The following AMBRA1 variants were observed in gnomAD, a reference collection of about 807,000 sequenced individuals.
AMBRA1 encodes the protein autophagy and beclin 1 regulator 1, also known as activating molecule in BECN1-regulated autophagy protein 1.
In AMBRA1, 47 loss-of-function variants were observed where a neutral mutation model predicts 125.4. The observed-to-expected ratio is 0.37, with a 90% CI of 0.30 to 0.48. The LOEUF is 0.48. AMBRA1 is among the 20% of genes least tolerant of loss of function. The pLI is 0.99. For missense variants in AMBRA1, 1,331 were observed against 1,693.4 expected, an observed-to-expected ratio of 0.79 and a Z score of 3.76; for synonymous variants, 626 against 655.5, an observed-to-expected ratio of 0.95 and a Z score of 0.69.
intron 7 of AMBRA1, among the ~76,000 whole-genome samples, chr11:46,527,390 G>A (rs1035133683): frequency 7.2e-6 from 1 of 139,052 alleles, no homozygotes; most frequent in Admixed American, 8.1e-5. Context: ...TGAAGCAGGA[G>A]AATTGCTTGA....
chr11:46,452,371 T>C (rs533165407), intron 11 of AMBRA1, among the ~76,000 whole-genome samples: 8 of 152,236 alleles, frequency 5.3e-5, no homozygotes, highest in African/African-American at 7.2e-5. Flanking sequence ...GTTTTTTAGA[T>C]GGGGCCTCAC....
intron 7 of AMBRA1, among the ~76,000 whole-genome samples, chr11:46,540,415 G>A (rs1451033357): frequency 1.3e-5 from 2 of 152,124 alleles, no homozygotes; most frequent in African/African-American, 4.8e-5. Context: ...ACAGAGGCTC[G>A]GGCTCCTGAT....
intron 1 of AMBRA1, among the ~76,000 whole-genome samples, chr11:46,583,650 TCCAAAAAA>T (rs2044256208): frequency 1.1e-4 from 2 of 18,086 alleles, no homozygotes; most frequent in Non-Finnish European, 2.5e-4. Context: ...CAAACAAATT[TCCAAAAAA>T]AAAAAAAAAA....
chr11:46,492,962 T>C (rs1015564848), intron 11 of AMBRA1, among the ~76,000 whole-genome samples: 2 of 152,156 alleles, frequency 1.3e-5, no homozygotes, highest in Admixed American at 1.3e-4. Context: ...GGCAGGAGAA[T>C]TGCTTGAACC....
intron 11 of AMBRA1, among the ~76,000 whole-genome samples, chr11:46,485,558 G>C (rs1950238465): frequency 6.6e-6 from 1 of 152,196 alleles, no homozygotes; most frequent in African/African-American, 2.4e-5. Flanking sequence ...TCCCTGGCTA[G>C]ACAGTAAACT....
Position 46,460,708 on chromosome 11 carries a change from A to T in AMBRA1, c.2522-17110T>A, listed in dbSNP as rs147138691. The stretch of plus-strand genomic sequence containing the variant: ...AAGTACAACCATATAAACCAAAGTC[A>T]TAAGAGCAGATGCCTGTGAAGTGGT... On this transcript the variant is annotated intron_variant, in intron 11 of 17. Transcript: ENST00000683756. Among the ~76,000 whole-genome samples, 293 of 152,372 alleles carry T rather than the reference A, an allele frequency of 1.9e-3. 4 individuals carry two copies. Among genetic ancestry groups the T allele is most frequent in the Admixed American group, 0.015 (236 of 15,308 alleles).
At chr11:46,550,095 A>G (rs191518621) in intron 1 of AMBRA1, among the ~76,000 whole-genome samples, 31 of 152,332 alleles carry the variant, frequency 2.0e-4, no homozygotes, top group Middle Eastern at 3.4e-3. Flanking sequence ...CTGGGATTAC[A>G]GGTGTGAGCT....
chr11:46,539,752 G>A (rs74775768), intron 7 of AMBRA1, among the ~76,000 whole-genome samples: 2,768 of 152,216 alleles, frequency 0.018, 91 homozygotes, highest in South Asian at 0.15. Flanking sequence ...GCATAGAGTC[G>A]TTGTTGAAGG....
chr11:46,448,083 G>C (rs1169206706), intron 11 of AMBRA1, among the ~76,000 whole-genome samples: 1 of 152,202 alleles, frequency 6.6e-6, no homozygotes, highest in African/African-American at 2.4e-5. Flanking sequence ...GGCCCAAATA[G>C]TGTGCCAGGG....
chr11:46,549,814 T>A (rs1449616326), intron 1 of AMBRA1, among the ~76,000 whole-genome samples: 1 of 151,654 alleles, frequency 6.6e-6, no homozygotes, highest in Non-Finnish European at 1.5e-5. Context: ...CACTAGCTTT[T>A]CTTTCTTTTT....
At chr11:46,583,789 C>T (rs941819743) in intron 1 of AMBRA1, among the ~76,000 whole-genome samples, 39 of 151,476 alleles carry the variant, frequency 2.6e-4, no homozygotes, top group Admixed American at 1.1e-3. Context: ...CCATCACTGG[C>T]CATCAGAGAA....
chr11:46,586,386 C>G (rs1020368866), intron 1 of AMBRA1, among the ~76,000 whole-genome samples: 7 of 152,088 alleles, frequency 4.6e-5, no homozygotes, highest in African/African-American at 1.7e-4. Context: ...CAGAGCAAGA[C>G]TGTCTCCAAA....
At chr11:46,481,387 AT>A in intron 11 of AMBRA1, among the ~76,000 whole-genome samples, 1 of 151,960 alleles carries the variant, frequency 6.6e-6, no homozygotes, top group East Asian at 1.9e-4. Flanking sequence ...TGAACACACT[AT>A]TTTTGTTTTT....
chr11:46,399,309 G>C (rs1945604911), intron 17 of AMBRA1, among the ~76,000 whole-genome samples: 1 of 151,856 alleles, frequency 6.6e-6, no homozygotes, highest in African/African-American at 2.4e-5. Flanking sequence ...CCTGACCTCA[G>C]GTAATCTGCC....
chr11:46,589,683 TA>T (rs1280312130), intron 1 of AMBRA1, among the ~76,000 whole-genome samples: 1 of 152,004 alleles, frequency 6.6e-6, no homozygotes, highest in Non-Finnish European at 1.5e-5. Flanking sequence ...GCAGTGGTGC[TA>T]ACTCGGCTAA....
At chr11:46,478,648 CTT>C (rs11449187) in intron 11 of AMBRA1, among the ~76,000 whole-genome samples, 2 of 82,156 alleles carry the variant, frequency 2.4e-5, no homozygotes, top group African/African-American at 5.0e-5. Flanking sequence ...TCTTTTTTCT[CTT>C]TTTTTTTTTT....
intron 10 of AMBRA1, 168 bp downstream of exon 10, chr11:46,493,956 G>T: frequency 1.4e-6 from 1 of 692,004 alleles, no homozygotes; most frequent in Non-Finnish European, 2.4e-6. Context: ...CATCTCTTTT[G>T]AATGTGGCTA....
intron 6 of AMBRA1, 151 bp downstream of exon 6, chr11:46,543,824 T>C: frequency 1.4e-6 from 1 of 696,406 alleles, no homozygotes; most frequent in Non-Finnish European, 2.4e-6. Flanking sequence ...GCTATAACCC[T>C]GAATATACAG....
At position 46,543,318 on chromosome 11, in the gene AMBRA1, T is replaced by C. The variant is rs1952844916; in HGVS notation, c.699A>G (p.Pro233=). The part of the protein sequence containing the change: ...YRQRALLQSQ[P]VRRTPLLHNF... ...TGTGGAGGAGAGGCGTCCGGCGAAC[T>C]GGCTGTGATTGCAGGAGGGCACGCT... The change falls in exon 7 of 18, where the codon CCA becomes CCG. Residue 233 remains proline (P), a synonymous_variant. Coordinates refer to ENST00000683756, the MANE Select transcript of AMBRA1 (RefSeq NM_001387011.1). 2 of 1,614,056 alleles carry C rather than the reference T, an allele frequency of 1.2e-6. No homozygotes were observed. Among genetic ancestry groups the C allele is most frequent in the East Asian group, 2.2e-5 (1 of 44,876 alleles).
Sources: gnomAD v4.1 joint callset for allele counts (sites outside exome capture counted in the v4.1 genomes callset) on GRCh38, gnomAD v4.1.1 for gene constraint, MANE v1.5 for transcripts, NCBI Gene and HGNC (gene_info 2026-07-23, HGNC 2026-07-21) for gene names.